The following ZNF469 variants were observed in gnomAD, a reference collection of about 807,000 sequenced individuals.
ZNF469 encodes the protein zinc finger protein 469.
ZNF469 carries 1 observed loss-of-function variant against 1.0 expected under a neutral mutation model. The ratio of observed to expected loss-of-function variants is 1.00; its 90% CI spans 0.35 to 4.73. The LOEUF (loss-of-function observed/expected upper bound fraction) is 4.73. Among genes scored for constraint, ZNF469 ranks in the 30% most tolerant of loss-of-function variants. ZNF469 has a pLI of 0.16. For missense variants in ZNF469, 6,100 were observed against 5,356.3 expected (o/e 1.14, Z -4.33); for synonymous variants, 2,703 against 2,363.4 (o/e 1.14, Z -4.17).
upstream of ZNF469, among the ~76,000 whole-genome samples, chr16:88,379,526 G>A (rs566728073): frequency 1.1e-4 from 16 of 152,258 alleles, no homozygotes; most frequent in African/African-American, 3.6e-4. Flanking sequence ...GGGGAGGGAC[G>A]GGAATCAGGA....
At chr16:88,268,846 C>T in the ZNF469 span, among the ~76,000 whole-genome samples, 2 of 152,192 alleles carry the variant, frequency 1.3e-5, no homozygotes, top group African/African-American at 4.8e-5. Context: ...GCAGCCCGGC[C>T]CCCATGAGCT....
chr16:88,345,916 C>T, the ZNF469 span, among the ~76,000 whole-genome samples: 3 of 152,142 alleles, frequency 2.0e-5, no homozygotes, highest in African/African-American at 4.8e-5. Flanking sequence ...GCTCCCTCGT[C>T]GAATATCACT....
the ZNF469 span, among the ~76,000 whole-genome samples, chr16:88,355,144 A>G: frequency 6.6e-6 from 1 of 151,994 alleles, no homozygotes; most frequent in African/African-American, 2.4e-5. Flanking sequence ...AGCTGCAGAC[A>G]CTCAGCTCCG....
the ZNF469 span, among the ~76,000 whole-genome samples, chr16:88,232,442 G>A: frequency 6.6e-6 from 1 of 152,152 alleles, no homozygotes; most frequent in Non-Finnish European, 1.5e-5. Context: ...ACCAGGCCTG[G>A]GACTTTCGGG....
chr16:88,152,432 G>A, the ZNF469 span, among the ~76,000 whole-genome samples: 1 of 152,152 alleles, frequency 6.6e-6, no homozygotes, highest in African/African-American at 2.4e-5. The surrounding 1 kb of genome is among the most constrained non-coding windows in gnomAD (Gnocchi z 4.2). Context: ...CGAGGCTGGG[G>A]CCGGGGCCTC....
chr16:88,431,052 C>A lies in ZNF469; in HGVS notation c.3582C>A (p.Arg1194=). 6.5e-7 allele frequency: 1 copy of A among 1,548,662 alleles called. No individual in the cohort carries two copies. ...AGGGAGGCCCCAAGTGTGCTGATCG[C>A]CCCTCAGTGGCCCCCAAGGATCCCC... ...AREGGPKCAD[R]PSVAPKDPLQ... is the part of the protein sequence containing the mutation. Residue 1194 remains arginine, a synonymous_variant, in exon 3 of 3, where the codon CGC becomes CGA. Transcript: ENST00000565624.
chr16:88,431,421 G>A lies in ZNF469; in HGVS notation c.3951G>A (p.Lys1317=). The A allele has an allele frequency of 1.3e-6, 2 of 1,550,310 alleles. No individual in the cohort carries two copies. The highest frequency in any genetic ancestry group is 1.2e-5 in the South Asian group (1 of 84,068). ...AGGCCCCAGTCTCCCACAACAGCAA[G>A]GACCCCCCTGCCCGCCAGCCTGGAG... ...GTQAPVSHNS[K]DPPARQPGEF... The change falls in exon 3 of 3, where the codon AAG becomes AAA. Residue 1317 remains lysine (K), a synonymous_variant. Coordinates refer to ENST00000565624, the MANE Select transcript of ZNF469 (RefSeq NM_001367624.2).
At chr16:88,150,506 G>T in the ZNF469 span, among the ~76,000 whole-genome samples, 1 of 152,162 alleles carries the variant, frequency 6.6e-6, no homozygotes, top group African/African-American at 2.4e-5. Flanking sequence ...GGGTGTTAGG[G>T]TCATCCGGAG....
Position 88,430,078 on chromosome 16 carries a change from G to C in ZNF469, c.2608G>C (p.Asp870His). 1 of 1,550,358 alleles carries C rather than the reference G, an allele frequency of 6.5e-7. No individual in the cohort carries two copies. The highest frequency in any genetic ancestry group is 8.7e-7 in the Non-Finnish European group (1 of 1,146,962). ...CAGCAGCTTCATCGACGTCTTCGCG[G>C]ACGAGGAGCCTTCCGGCCCCAGAGG... ...IDSSFIDVFADEEPSGPRGPS... is the reference protein window; with the variant it reads ...IDSSFIDVFAHEEPSGPRGPS... Residue 870 changes from aspartate (D) to histidine (H), a missense_variant, in exon 3 of 3, where the codon GAC becomes CAC. Asp to His is a moderately conservative substitution (Grantham distance 81). Transcript: ENST00000565624.
chr16:88,436,461 G>T lies in ZNF469; in HGVS notation c.8991G>T (p.Trp2997Cys), dbSNP rs1792157484. Residue 2997 changes from tryptophan (W) to cysteine (C), a missense_variant, in exon 3 of 3, where the codon TGG becomes TGT. Coordinates refer to ENST00000565624, the MANE Select transcript of ZNF469 (RefSeq NM_001367624.2). ...IPELHMVPAA[W>C]RGLEMPAPAD... ...AGCTGCACATGGTCCCAGCGGCTTG[G>T]CGAGGCCTGGAGATGCCGGCCCCTG... 3 of 1,546,980 alleles carry T rather than the reference G, an allele frequency of 1.9e-6. No homozygotes were observed. Among genetic ancestry groups the T allele is most frequent in the Non-Finnish European group, 2.6e-6 (3 of 1,146,962 alleles).
the ZNF469 span, among the ~76,000 whole-genome samples, chr16:88,367,569 T>A: frequency 9.2e-5 from 14 of 152,154 alleles, no homozygotes; most frequent in African/African-American, 3.4e-4. Context: ...CCAGCGCCTG[T>A]GATGAACTGA....
chr16:88,341,494 C>T, the ZNF469 span, among the ~76,000 whole-genome samples: 50 of 152,238 alleles, frequency 3.3e-4, no homozygotes, highest in African/African-American at 1.2e-3. Flanking sequence ...GTCAAGCCGT[C>T]CTCCCCAGCT....
At chr16:88,238,032 G>C in the ZNF469 span, among the ~76,000 whole-genome samples, 2 of 152,186 alleles carry the variant, frequency 1.3e-5, no homozygotes, top group African/African-American at 4.8e-5. Context: ...ATATTCCATT[G>C]TCTGGAGGGA....
the ZNF469 span, among the ~76,000 whole-genome samples, chr16:88,107,661 C>T: frequency 1.3e-5 from 2 of 152,218 alleles, no homozygotes; most frequent in Non-Finnish European, 2.9e-5. Flanking sequence ...ATGGCAGGGT[C>T]CTTTTAAGGA....
At chr16:88,118,837 G>T in the ZNF469 span, among the ~76,000 whole-genome samples, 10 of 152,320 alleles carry the variant, frequency 6.6e-5, no homozygotes, top group Non-Finnish European at 7.3e-5. Flanking sequence ...GAACCACACG[G>T]ATAAGCAATA....
chr16:88,310,510 C>G, the ZNF469 span, among the ~76,000 whole-genome samples: 1 of 152,056 alleles, frequency 6.6e-6, no homozygotes, highest in African/African-American at 2.4e-5. Flanking sequence ...CTTTGTTTTT[C>G]TGTAGCCTGT....
At chr16:88,182,247 A>T in the ZNF469 span, among the ~76,000 whole-genome samples, 2 of 152,108 alleles carry the variant, frequency 1.3e-5, no homozygotes, top group Non-Finnish European at 2.9e-5. Flanking sequence ...AAATGGAGAG[A>T]TGTACCATGT....
chr16:88,123,185 A>G, the ZNF469 span, among the ~76,000 whole-genome samples: 5 of 152,022 alleles, frequency 3.3e-5, no homozygotes, highest in South Asian at 2.1e-4. Flanking sequence ...CACCCCTTGT[A>G]TGCCCCAACC....
At chr16:88,124,307 C>T in the ZNF469 span, among the ~76,000 whole-genome samples, 9 of 152,332 alleles carry the variant, frequency 5.9e-5, no homozygotes, top group African/African-American at 2.2e-4. Flanking sequence ...AATCATGGCT[C>T]ACTGCAGCCT....
Sources: allele counts gnomAD v4.1 joint callset (sites outside exome capture counted in the v4.1 genomes callset), GRCh38; gene constraint gnomAD v4.1.1; non-coding constraint Gnocchi (gnomAD v3.1); transcripts MANE v1.5; gene names NCBI Gene and HGNC (gene_info 2026-07-23, HGNC 2026-07-21).